GNB4: variants seen among roughly 807,000 people sequenced by gnomAD.
GNB4 encodes guanine nucleotide-binding protein subunit beta-4.
GNB4 carries 28 observed loss-of-function variants against 45.2 expected under a neutral mutation model. That is an observed-to-expected ratio of 0.62 (90% CI 0.46 to 0.85). The LOEUF (loss-of-function observed/expected upper bound fraction) is 0.85. Among genes scored for constraint, GNB4 ranks in the 40% least tolerant of loss-of-function variants. GNB4 has a pLI of 0.00. For missense variants in GNB4, 321 were observed against 425.4 expected, an observed-to-expected ratio of 0.75 and a Z score of 2.16; for synonymous variants, 132 against 143.7, an observed-to-expected ratio of 0.92 and a Z score of 0.58.
At chr3:179,423,151 A>G (rs953374187) in intron 2 of GNB4, among the ~76,000 whole-genome samples, 3 of 152,176 alleles carry the variant, frequency 2.0e-5, no homozygotes, top group Non-Finnish European at 4.4e-5. Flanking sequence ...TATTTTACAT[A>G]TATGTGGTTA....
chr3:179,475,542 G>C, the GNB4 span, among the ~76,000 whole-genome samples: 2 of 151,784 alleles, frequency 1.3e-5, no homozygotes, highest in Admixed American at 1.3e-4. Flanking sequence ...GCGAGATCTC[G>C]GCTCACTGCA....
the GNB4 span, among the ~76,000 whole-genome samples, chr3:179,460,011 G>T: frequency 6.6e-6 from 1 of 152,176 alleles, no homozygotes; most frequent in Non-Finnish European, 1.5e-5. Flanking sequence ...CCATTATCAG[G>T]ATTAGCTACT....
At chr3:179,477,760 G>A in the GNB4 span, among the ~76,000 whole-genome samples, 5 of 151,718 alleles carry the variant, frequency 3.3e-5, no homozygotes, top group Admixed American at 6.6e-5. Flanking sequence ...CTATTTCTGG[G>A]GTCTTCCTCT....
chr3:179,518,825 GA>G, the GNB4 span, among the ~76,000 whole-genome samples: 1 of 152,204 alleles, frequency 6.6e-6, no homozygotes, highest in Non-Finnish European at 1.5e-5. Context: ...CCTAGACCCT[GA>G]AAGGTCAGAA....
At position 179,413,442 on chromosome 3, in the gene GNB4, C is replaced by T. The variant is rs751438259; in HGVS notation, c.669G>A (p.Thr223=). 6.2e-6 allele frequency: 10 copies of T among 1,613,768 alleles called. No individual in the cohort carries two copies. The highest frequency in any genetic ancestry group is 3.3e-5 in the Admixed American group (2 of 59,982). Residue 223 remains threonine, a synonymous_variant, in exon 8 of 10, where the codon ACG becomes ACA. Coordinates refer to ENST00000232564, the MANE Select transcript of GNB4 (RefSeq NM_021629.4). ...CAGCATTGATATCTGAGACATGTCC[C>T]GTGAAAGACTGTCTACACATTCCAT... ...IRDGMCRQSF[T]GHVSDINAVS... is the part of the protein sequence containing the mutation.
chr3:179,513,024 G>A, the GNB4 span, among the ~76,000 whole-genome samples: 17 of 151,484 alleles, frequency 1.1e-4, no homozygotes, highest in East Asian at 2.7e-3. Flanking sequence ...CGTGGAACTC[G>A]GGGATGGCTT....
the GNB4 span, among the ~76,000 whole-genome samples, chr3:179,502,087 T>C: frequency 6.6e-6 from 1 of 152,202 alleles, no homozygotes; most frequent in Non-Finnish European, 1.5e-5. Flanking sequence ...AGAACTGGTA[T>C]TGTTACAATT....
chr3:179,484,480 A>G, the GNB4 span, among the ~76,000 whole-genome samples: 38 of 152,358 alleles, frequency 2.5e-4, no homozygotes, highest in Non-Finnish European at 1.0e-4. Context: ...GCAGTGAAAA[A>G]ATTGAATTGC....
intron 4 of GNB4, among the ~76,000 whole-genome samples, chr3:179,417,003 G>A (rs1714818568): frequency 6.6e-6 from 1 of 152,112 alleles, no homozygotes; most frequent in Admixed American, 6.6e-5. Context: ...TGCTCTTGAG[G>A]CCTCTACCAT....
chr3:179,431,335 T>C (rs1312219438), intron 1 of GNB4, among the ~76,000 whole-genome samples: 8 of 151,962 alleles, frequency 5.3e-5, no homozygotes, highest in African/African-American at 1.9e-4. Flanking sequence ...GGCGGGTGGA[T>C]CACTTGAGGC....
chr3:179,468,035 A>AAAAAAAAAAAAATATATATATATAT, the GNB4 span, among the ~76,000 whole-genome samples: 37 of 89,856 alleles, frequency 4.1e-4, 3 homozygotes, highest in African/African-American at 1.4e-3. Context: ...TGTTGATAAA[A>AAAAAAAAAAAAATATATATATATAT]ATATATATAT....
the GNB4 span, among the ~76,000 whole-genome samples, chr3:179,477,828 A>G: frequency 6.6e-6 from 1 of 152,038 alleles, no homozygotes; most frequent in African/African-American, 2.4e-5. Context: ...GTTTTTTTCT[A>G]TCCTGCTCCT....
the GNB4 span, among the ~76,000 whole-genome samples, chr3:179,519,223 A>G: frequency 6.6e-6 from 1 of 152,180 alleles, no homozygotes; most frequent in Non-Finnish European, 1.5e-5. Context: ...GTGGGACCCC[A>G]CTGGAAATCA....
the GNB4 span, among the ~76,000 whole-genome samples, chr3:179,475,366 G>A: frequency 5.4e-3 from 815 of 151,678 alleles, 10 homozygotes; most frequent in African/African-American, 0.019. Flanking sequence ...TGATCTGCCC[G>A]CCTCGGCCTC....
the GNB4 span, among the ~76,000 whole-genome samples, chr3:179,489,514 G>A: frequency 5.3e-5 from 8 of 152,228 alleles, 1 homozygote; most frequent in South Asian, 1.7e-3. Context: ...GGTTGTACAT[G>A]TCTATAGTCT....
the GNB4 span, among the ~76,000 whole-genome samples, chr3:179,468,861 A>G: frequency 1.3e-5 from 2 of 152,168 alleles, no homozygotes; most frequent in Non-Finnish European, 2.9e-5. Flanking sequence ...GAGAATTATT[A>G]ATAACTAAGA....
At chr3:179,450,434 C>T (rs190610026) in intron 1 of GNB4, among the ~76,000 whole-genome samples, 10 of 152,214 alleles carry the variant, frequency 6.6e-5, no homozygotes, top group Admixed American at 1.3e-4. Flanking sequence ...AACACTGAGA[C>T]GGACTCATAA....
chr3:179,438,255 C>T (rs750379435), intron 1 of GNB4, among the ~76,000 whole-genome samples: 11 of 152,130 alleles, frequency 7.2e-5, no homozygotes, highest in Non-Finnish European at 1.5e-4. Context: ...CATTCTCATT[C>T]CACAGACGAG....
chr3:179,422,950 G>A (rs9683104), intron 2 of GNB4, among the ~76,000 whole-genome samples: 26,615 of 151,740 alleles, frequency 0.18, 2,417 homozygotes, highest in Admixed American at 0.23. Context: ...CCACCACCAC[G>A]CCCAGCTTTT....
Sources: gnomAD v4.1 joint callset for allele counts (sites outside exome capture counted in the v4.1 genomes callset) on GRCh38, gnomAD v4.1.1 for gene constraint, MANE v1.5 for transcripts, NCBI Gene and HGNC (gene_info 2026-07-23, HGNC 2026-07-21) for gene names.